Variants in MUC7 observed in about 807,000 individuals in gnomAD.
MUC7 encodes the protein mucin-7.
MUC7 carries 2 observed loss-of-function variants against 2.5 expected under a neutral mutation model. The ratio of observed to expected loss-of-function variants is 0.81; its 90% CI spans 0.33 to 2.55. The LOEUF is 2.55. Among genes scored for constraint, MUC7 ranks in the 30% most tolerant of loss-of-function variants. The probability of loss-of-function intolerance (pLI) is 0.11; values close to 1 mark genes in which losing one functional copy is unlikely to be tolerated. For missense variants in MUC7, 408 were observed against 455.6 expected (o/e 0.90, Z 0.95); for synonymous variants, 133 against 173.4 (o/e 0.77, Z 1.83).
chr4:70,462,359 C>T (rs1273476041), intron 1 of MUC7, among the ~76,000 whole-genome samples: 3 of 152,084 alleles, frequency 2.0e-5, no homozygotes, highest in Non-Finnish European at 2.9e-5. Flanking sequence ...TTTTTAAAAG[C>T]GTTATTAAGA....
chr4:70,455,836 A>G (rs539282635), intron 1 of MUC7, among the ~76,000 whole-genome samples: 1 of 152,258 alleles, frequency 6.6e-6, no homozygotes, highest in African/African-American at 2.4e-5. Context: ...TTTCCAGTCT[A>G]AGCCCATGTT....
chr4:70,444,413 T>C (rs747485609), intron 1 of MUC7, among the ~76,000 whole-genome samples: 3 of 152,170 alleles, frequency 2.0e-5, no homozygotes, highest in East Asian at 1.9e-4. Context: ...TTCTACCACA[T>C]TGAGAGTGAC....
At chr4:70,440,366 C>T (rs1733970971) in intron 1 of MUC7, among the ~76,000 whole-genome samples, 1 of 152,096 alleles carries the variant, frequency 6.6e-6, no homozygotes, top group Non-Finnish European at 1.5e-5. Flanking sequence ...AATAATATTT[C>T]TCATTATCAA....
Position 70,480,990 on chromosome 4 carries a change from C to G in MUC7, c.246C>G (p.Pro82=), listed in dbSNP as rs150249915. The change falls in exon 3 of 3, where the codon CCC becomes CCG. Residue 82 remains proline (P), a synonymous_variant. Transcript: ENST00000304887. Reference sequence around the variant, plus strand: ...TTCCACCTTCACCTAATAACCCCCCCAAATTCCCAAATCCTCACCAGCCAC... The same window carrying G: ...TTCCACCTTCACCTAATAACCCCCCGAAATTCCCAAATCCTCACCAGCCAC... The part of the protein sequence containing the change: ...PKLPPSPNNP[P]KFPNPHQPPK... 1,927 of 1,613,962 alleles carry G rather than the reference C, an allele frequency of 1.2e-3. 1 individual carries two copies. Among genetic ancestry groups the G allele is most frequent in the Non-Finnish European group, 1.5e-3 (1,772 of 1,180,002 alleles).
intron 1 of MUC7, among the ~76,000 whole-genome samples, chr4:70,434,625 G>A (rs542439230): frequency 6.6e-6 from 1 of 151,874 alleles, no homozygotes; most frequent in East Asian, 1.9e-4. Context: ...TATTAGTCTT[G>A]CTAGCAGTCT....
intron 1 of MUC7, among the ~76,000 whole-genome samples, chr4:70,451,996 A>G (rs1734292263): frequency 1.3e-5 from 2 of 152,146 alleles, no homozygotes; most frequent in African/African-American, 2.4e-5. Flanking sequence ...CTGAATTGAC[A>G]TTTATCCTTA....
At chr4:70,466,526 A>G (rs151249773) in intron 1 of MUC7, among the ~76,000 whole-genome samples, 2,053 of 152,308 alleles carry the variant, frequency 0.013, 49 homozygotes, top group African/African-American at 0.047. Context: ...TCTTATGTGC[A>G]AAGACACACA....
chr4:70,440,310 T>A lies in MUC7; in HGVS notation c.-93+9623T>A, dbSNP rs983003113. Among the ~76,000 whole-genome samples, 28 of 152,314 alleles carry A rather than the reference T, an allele frequency of 1.8e-4. No individual in the cohort carries two copies. In the South Asian group the frequency reaches 2.1e-3, roughly 11 times the overall value. On this transcript the variant is annotated intron_variant, in intron 1 of 3. Coordinates refer to the MUC7 transcript ENST00000413702. ...GATTTAGCTGCAGAATTTCTCAGCA[T>A]CTTTAAAATGTCATATGAATTTCAT...
At chr4:70,434,314 C>A (rs1297377134) in intron 1 of MUC7, among the ~76,000 whole-genome samples, 4 of 152,122 alleles carry the variant, frequency 2.6e-5, no homozygotes, top group Non-Finnish European at 4.4e-5. Context: ...CCTCTTTATA[C>A]CTCTGGTAGA....
chr4:70,430,913 T>A (rs768709693), intron 1 of MUC7, among the ~76,000 whole-genome samples: 1 of 152,184 alleles, frequency 6.6e-6, no homozygotes, highest in Non-Finnish European at 1.5e-5. Context: ...GGACTAATAC[T>A]AGTGAACTCC....
At chr4:70,445,051 AAAACAAAAAC>A (rs964641585) in intron 1 of MUC7, among the ~76,000 whole-genome samples, 6 of 152,154 alleles carry the variant, frequency 3.9e-5, no homozygotes, top group Non-Finnish European at 7.4e-5. Flanking sequence ...CAAACAAAAC[AAAACAAAAAC>A]AAACAAAAAC....
intron 1 of MUC7, among the ~76,000 whole-genome samples, chr4:70,430,915 G>A (rs142461521): frequency 1.9e-4 from 29 of 152,220 alleles, no homozygotes; most frequent in Admixed American, 3.9e-4. Context: ...ACTAATACTA[G>A]TGAACTCCAC....
chr4:70,450,909 G>C (rs1297718732), intron 1 of MUC7, among the ~76,000 whole-genome samples: 1 of 152,146 alleles, frequency 6.6e-6, no homozygotes, highest in Non-Finnish European at 1.5e-5. Flanking sequence ...ATGCAGCCTG[G>C]AGATGGGGAG....
In MUC7 at chr4:70,481,697, T is replaced by C. The variant is rs1735199914; in HGVS notation, c.953T>C (p.Leu318Pro). The change falls in exon 3 of 3, where the codon CTT becomes CCT. Residue 318 changes from leucine (L) to proline (P), a missense_variant. Transcript: ENST00000304887. ...ACACCTAATTCTTCCCCAACTACTC[T>C]TGCACCTGACACTTCTGAAACTTCA... is the stretch of plus-strand genomic sequence containing the variant. ...ITTPNSSPTT[L>P]APDTSETSAA... 33 of 1,614,020 alleles carry C rather than the reference T, an allele frequency of 2.0e-5. No individual in the cohort carries two copies. Among genetic ancestry groups the C allele is most frequent in the Non-Finnish European group, 2.7e-5 (32 of 1,180,038 alleles).
At chr4:70,454,982 G>A (rs1734378187) in intron 1 of MUC7, among the ~76,000 whole-genome samples, 1 of 152,062 alleles carries the variant, frequency 6.6e-6, no homozygotes, top group Admixed American at 6.5e-5. Context: ...CCCTTTTATA[G>A]ATAAGGCAAA....
intron 1 of MUC7, among the ~76,000 whole-genome samples, chr4:70,450,724 T>C (rs1193846909): frequency 2.6e-5 from 4 of 151,932 alleles, no homozygotes; most frequent in Non-Finnish European, 5.9e-5. Context: ...TGGCCCAGAG[T>C]GTGTCAAGAA....
At chr4:70,466,276 G>C (rs1734679988) in intron 1 of MUC7, among the ~76,000 whole-genome samples, 2 of 152,118 alleles carry the variant, frequency 1.3e-5, no homozygotes, top group African/African-American at 4.8e-5. Flanking sequence ...ACATGGAAAG[G>C]AATAACCAGT....
At chr4:70,447,311 G>A (rs527568202) in intron 1 of MUC7, among the ~76,000 whole-genome samples, 4 of 152,204 alleles carry the variant, frequency 2.6e-5, no homozygotes, top group African/African-American at 4.8e-5. Flanking sequence ...TTTGAGAAGC[G>A]CCTGGCCCAA....
intron 1 of MUC7, among the ~76,000 whole-genome samples, chr4:70,437,455 T>C (rs902557438): frequency 5.3e-5 from 8 of 152,192 alleles, no homozygotes; most frequent in Non-Finnish European, 8.8e-5. Context: ...CGCCACGCTG[T>C]AGCGTCCCAG....
Sources: gnomAD v4.1 joint callset for allele counts (sites outside exome capture counted in the v4.1 genomes callset) on GRCh38, gnomAD v4.1.1 for gene constraint, MANE v1.5 for transcripts, NCBI Gene and HGNC (gene_info 2026-07-23, HGNC 2026-07-21) for gene names.